Variants in GRIN3A observed in about 807,000 individuals in gnomAD.
The protein encoded by GRIN3A is glutamate receptor ionotropic, NMDA 3A.
Under a neutral mutation model 92.4 loss-of-function variants are expected in GRIN3A, and 47 were observed. That is an observed-to-expected ratio of 0.51 (90% CI 0.40 to 0.65). The LOEUF is 0.65. Among genes scored for constraint, GRIN3A ranks in the 30% least tolerant of loss-of-function variants. The pLI, the probability that GRIN3A is intolerant of heterozygous loss-of-function variation, is 0.00. For synonymous variants in GRIN3A, 527 were observed against 540.6 expected (o/e 0.97, Z 0.35); for missense variants, 1,324 against 1,393.1 (o/e 0.95, Z 0.79).
intron 1 of GRIN3A, among the ~76,000 whole-genome samples, chr9:101,688,085 T>C (rs1829561684): frequency 6.6e-6 from 1 of 152,208 alleles, no homozygotes; most frequent in South Asian, 2.1e-4. Context: ...ACAATAAATA[T>C]TGATGGAATT....
intron 6 of GRIN3A, among the ~76,000 whole-genome samples, chr9:101,583,553 A>C (rs1827916084): frequency 6.6e-6 from 1 of 152,194 alleles, no homozygotes; most frequent in South Asian, 2.1e-4. Flanking sequence ...GAAGAAAAGA[A>C]GGAGTTATGA....
At chr9:101,663,549 C>G (rs1829202705) in intron 3 of GRIN3A, among the ~76,000 whole-genome samples, 1 of 151,812 alleles carries the variant, frequency 6.6e-6, no homozygotes, top group Non-Finnish European at 1.5e-5. Context: ...GGCATCCTTC[C>G]CTTCTTTGTG....
chr9:101,633,059 T>A (rs573457842), intron 3 of GRIN3A, among the ~76,000 whole-genome samples: 1 of 152,330 alleles, frequency 6.6e-6, no homozygotes, highest in African/African-American at 2.4e-5. Context: ...ACAGAGTACC[T>A]ACATGGAGAA....
At chr9:101,628,138 TAACAC>T in intron 4 of GRIN3A, 113 bp downstream of exon 4, 1 of 920,904 alleles carries the variant, frequency 1.1e-6, no homozygotes, top group Non-Finnish European at 1.7e-6. Context: ...AAGTATTACT[TAACAC>T]AACGTGGGTA....
intron 1 of GRIN3A, among the ~76,000 whole-genome samples, chr9:101,689,999 G>A (rs765509012): frequency 5.3e-5 from 8 of 152,218 alleles, no homozygotes; most frequent in Non-Finnish European, 8.8e-5. Flanking sequence ...CAGAGATCCA[G>A]AAACAGAACA....
intron 2 of GRIN3A, among the ~76,000 whole-genome samples, chr9:101,677,006 G>A (rs1352577193): frequency 6.7e-6 from 1 of 150,356 alleles, no homozygotes; most frequent in African/African-American, 2.4e-5. Flanking sequence ...TTTGTCACAA[G>A]TTCACACTTA....
At chr9:101,636,546 G>A (rs1828788159) in intron 3 of GRIN3A, among the ~76,000 whole-genome samples, 2 of 152,266 alleles carry the variant, frequency 1.3e-5, no homozygotes, top group African/African-American at 4.8e-5. Context: ...CCAGAAACCT[G>A]AGAACTTGCA....
At chr9:101,583,466 ATCTTCCCC>A (rs1827915098) in intron 6 of GRIN3A, among the ~76,000 whole-genome samples, 1 of 152,172 alleles carries the variant, frequency 6.6e-6, no homozygotes, top group African/African-American at 2.4e-5. Flanking sequence ...GCATATGTGC[ATCTTCCCC>A]ATATTATCAA....
At position 101,570,959 on chromosome 9, in the gene GRIN3A, G is replaced by A. The variant is rs1256721688; in HGVS notation, c.*2215C>T. Reference sequence around the variant, plus strand: ...GGAGCATGGCTGTAATGTGGATTGAGGTACACCTGTACATCAGCCTTCCGG... The same window carrying A: ...GGAGCATGGCTGTAATGTGGATTGAAGTACACCTGTACATCAGCCTTCCGG... On this transcript the variant is annotated 3_prime_UTR_variant, in exon 9 of 9. Transcript: ENST00000361820. 6.6e-6 allele frequency: 1 copy of A among 152,528 alleles called. No individual in the cohort carries two copies. Among genetic ancestry groups the A allele is most frequent in the Non-Finnish European group, 1.5e-5 (1 of 68,056 alleles). 9.4% of individuals were successfully genotyped at this position (152,528 alleles called of 1,614,324 possible).
intron 5 of GRIN3A, among the ~76,000 whole-genome samples, chr9:101,621,662 A>G (rs1192111495): frequency 6.6e-6 from 1 of 152,206 alleles, no homozygotes; most frequent in Non-Finnish European, 1.5e-5. Context: ...ATGGAAATGT[A>G]AACAGGAAAC....
chr9:101,632,596 C>T (rs13289501), intron 3 of GRIN3A, among the ~76,000 whole-genome samples: 29,527 of 152,090 alleles, frequency 0.19, 3,200 homozygotes, highest in Non-Finnish European at 0.25. Context: ...CTCCTTAAAA[C>T]TAATTTTTTC....
Position 101,686,584 on chromosome 9 carries a change from C to T in GRIN3A, c.1304+12G>A, listed in dbSNP as rs1829537174. 4 of 1,613,946 alleles carry T rather than the reference C, an allele frequency of 2.5e-6. No homozygotes were observed. Among genetic ancestry groups the T allele is most frequent in the Non-Finnish European group, 3.4e-6 (4 of 1,179,988 alleles). ...CTATGAATGGGGATATAACCGAGACCTTGCATCCTACCTTGATAAATATTG... is the reference window on the plus strand; with the variant it reads ...CTATGAATGGGGATATAACCGAGACTTTGCATCCTACCTTGATAAATATTG... On this transcript the variant is annotated intron_variant, in intron 2 of 8. Coordinates refer to ENST00000361820, the MANE Select transcript of GRIN3A (RefSeq NM_133445.3).
At chr9:101,650,651 G>C (rs1035792245) in intron 3 of GRIN3A, among the ~76,000 whole-genome samples, 5 of 151,926 alleles carry the variant, frequency 3.3e-5, no homozygotes, top group Non-Finnish European at 5.9e-5. Flanking sequence ...TGTTTGTTTT[G>C]CAATATTATC....
At chr9:101,707,548 AG>A (rs933960063) in intron 1 of GRIN3A, among the ~76,000 whole-genome samples, 3 of 152,158 alleles carry the variant, frequency 2.0e-5, no homozygotes, top group Admixed American at 1.3e-4. Context: ...ATGAATATAG[AG>A]GGGGGTCATA....
intron 3 of GRIN3A, among the ~76,000 whole-genome samples, chr9:101,647,286 G>A (rs1828949787): frequency 6.6e-6 from 1 of 151,822 alleles, no homozygotes; most frequent in South Asian, 2.1e-4. Context: ...TTAATGTGAT[G>A]TATCATATTT....
In GRIN3A at chr9:101,572,838, T is replaced by C. The variant is rs182786627; in HGVS notation, c.*336A>G. ...TAACAATTTTATCTCTTGTTGGTAG[T>C]GCAGAGAAAGGGCTAAAAACCAGAA... On this transcript the variant is annotated 3_prime_UTR_variant, in exon 9 of 9. Transcript: ENST00000361820. The C allele has an allele frequency of 1.1e-3, 348 of 326,612 alleles. 2 individuals carry two copies. The highest frequency in any genetic ancestry group is 3.5e-4 in the Non-Finnish European group (59 of 168,818). 20.2% of individuals were successfully genotyped at this position (326,612 alleles called of 1,614,324 possible).
chr9:101,627,276 T>C (rs1421305062), intron 4 of GRIN3A, among the ~76,000 whole-genome samples: 2 of 152,342 alleles, frequency 1.3e-5, no homozygotes, highest in East Asian at 1.9e-4. Flanking sequence ...TTTGCAAATA[T>C]GAGAGAACAA....
At chr9:101,657,928 T>A (rs1422067421) in intron 3 of GRIN3A, among the ~76,000 whole-genome samples, 1 of 151,970 alleles carries the variant, frequency 6.6e-6, no homozygotes, top group Non-Finnish European at 1.5e-5. Context: ...CTGTACCATT[T>A]GTGCAAAGAT....
intron 6 of GRIN3A, among the ~76,000 whole-genome samples, chr9:101,599,083 A>C (rs966571758): frequency 1.3e-5 from 2 of 152,150 alleles, no homozygotes; most frequent in Admixed American, 1.3e-4. Flanking sequence ...TCAGCTCTTT[A>C]CCTTATTAGC....
Sources: allele counts gnomAD v4.1 joint callset (sites outside exome capture counted in the v4.1 genomes callset), GRCh38; gene constraint gnomAD v4.1.1; transcripts MANE v1.5; gene names NCBI Gene and HGNC (gene_info 2026-07-23, HGNC 2026-07-21).